LPP: variants seen among roughly 807,000 people sequenced by gnomAD.
The protein encoded by LPP is LIM domain containing preferred translocation partner in lipoma.
In LPP, 38 loss-of-function variants were observed where a neutral mutation model predicts 60.4. That is an observed-to-expected ratio of 0.63 (90% CI 0.49 to 0.83). The LOEUF is 0.83. LPP is among the 40% of genes least tolerant of loss of function. LPP has a pLI of 0.00. For synonymous variants in LPP, 328 were observed against 290.8 expected, an observed-to-expected ratio of 1.13 and a Z score of -1.30; for missense variants, 902 against 783.6, an observed-to-expected ratio of 1.15 and a Z score of -1.80.
At position 188,721,768 on chromosome 3, in the gene LPP, G is replaced by A. The variant is rs529199804; in HGVS notation, c.1240+13375G>A. On this transcript the variant is annotated intron_variant, in intron 8 of 11. Transcript: ENST00000617246. ...AGTCATCATGTTCTTGTGAAGGATC[G>A]TGTTGTGTTGTTAGATATTGTTCCA... is the stretch of plus-strand genomic sequence containing the variant. Among the ~76,000 whole-genome samples, 11 of 152,114 alleles carry A rather than the reference G, an allele frequency of 7.2e-5. No homozygotes were observed. In the East Asian group the frequency reaches 9.7e-4, roughly 13 times the overall value.
chr3:188,300,195 TG>T (rs556190957), intron 2 of LPP, among the ~76,000 whole-genome samples: 233 of 152,272 alleles, frequency 1.5e-3, no homozygotes, highest in African/African-American at 5.3e-3. Context: ...AAGGGTTGTG[TG>T]TGTTTATTTT....
intron 2 of LPP, among the ~76,000 whole-genome samples, chr3:188,292,663 G>A (rs190517067): frequency 6.6e-6 from 1 of 152,302 alleles, no homozygotes. Context: ...TCATGTACTA[G>A]AGTATGGTTT....
At chr3:188,175,683 A>T (rs957872525) in intron 1 of LPP, among the ~76,000 whole-genome samples, 10 of 152,270 alleles carry the variant, frequency 6.6e-5, no homozygotes, top group Non-Finnish European at 1.5e-4. Context: ...AACTGGCTTT[A>T]TACTAAAAAG....
At position 188,826,325 on chromosome 3, in the gene LPP, C is replaced by G. The variant is rs545919638; in HGVS notation, c.1411-39875C>G. Among the ~76,000 whole-genome samples, 367 of 152,314 alleles carry G rather than the reference C, an allele frequency of 2.4e-3. 2 individuals carry two copies. The highest frequency in any genetic ancestry group is 8.6e-3 in the African/African-American group (357 of 41,576). On this transcript the variant is annotated intron_variant, in intron 9 of 11. Coordinates refer to ENST00000617246, the MANE Select transcript of LPP (RefSeq NM_001375462.1). ...TCTGCAGGTTTCCTTATAGGAGATC[C>G]TGTTATCCTCGTGTCGATTCTTGCC...
intron 1 of LPP, among the ~76,000 whole-genome samples, chr3:188,170,382 G>A (rs1018550911): frequency 2.1e-5 from 3 of 140,942 alleles, no homozygotes; most frequent in Non-Finnish European, 4.5e-5. Flanking sequence ...CCAGGCTGGA[G>A]TGCAGTGGTA....
chr3:188,664,756 A>AT (rs1384179959), intron 7 of LPP, among the ~76,000 whole-genome samples: 1 of 152,102 alleles, frequency 6.6e-6, no homozygotes, highest in Non-Finnish European at 1.5e-5. Flanking sequence ...TGTGTTACTG[A>AT]TTTTTTTGGA....
intron 2 of LPP, among the ~76,000 whole-genome samples, chr3:188,269,057 T>C (rs756081909): frequency 2.6e-5 from 4 of 152,212 alleles, no homozygotes; most frequent in Non-Finnish European, 5.9e-5. Flanking sequence ...GATGTGATCT[T>C]TACCCATCCT....
At chr3:188,865,636 C>T (rs1034899080) in intron 9 of LPP, among the ~76,000 whole-genome samples, 2 of 151,686 alleles carry the variant, frequency 1.3e-5, no homozygotes, top group Non-Finnish European at 1.5e-5. Context: ...TGGTATAGTT[C>T]AAGGGTCAAC....
At chr3:188,455,284 TA>T (rs903577433) in intron 4 of LPP, among the ~76,000 whole-genome samples, 9 of 151,984 alleles carry the variant, frequency 5.9e-5, no homozygotes, top group Non-Finnish European at 1.2e-4. Context: ...CAACAAGGAT[TA>T]AAAAAAGAGA....
At chr3:188,204,797 T>TTC (rs1220548601) in intron 1 of LPP, among the ~76,000 whole-genome samples, 1 of 152,204 alleles carries the variant, frequency 6.6e-6, no homozygotes, top group African/African-American at 2.4e-5. Flanking sequence ...AAACTCACAT[T>TTC]TCTTTATCCT....
chr3:188,288,260 C>T (rs140375963), intron 2 of LPP, among the ~76,000 whole-genome samples: 2 of 152,254 alleles, frequency 1.3e-5, no homozygotes, highest in East Asian at 1.9e-4. Flanking sequence ...CACTTGTGAG[C>T]GACATTGGCT....
chr3:188,483,959 A>G (rs1805552493), intron 4 of LPP, among the ~76,000 whole-genome samples: 1 of 152,090 alleles, frequency 6.6e-6, no homozygotes, highest in Admixed American at 6.5e-5. Flanking sequence ...ATTTTATCGC[A>G]TATCTAATCT....
chr3:188,629,267 G>A, intron 7 of LPP, among the ~76,000 whole-genome samples: 1 of 151,992 alleles, frequency 6.6e-6, no homozygotes, highest in South Asian at 2.1e-4. Context: ...AATAGAAAGA[G>A]AGAAAGTCAA....
At chr3:188,718,850 G>C (rs895866740) in intron 8 of LPP, among the ~76,000 whole-genome samples, 1 of 152,114 alleles carries the variant, frequency 6.6e-6, no homozygotes, top group African/African-American at 2.4e-5. Context: ...ATCATAAAAC[G>C]TTAGAGCTGG....
rs1400977355 is a variant in LPP, at chr3:188,513,538, G to A, written c.307-11127G>A. ...TTATTCTTAGAGTTCCTGTTTTATTGATGAATAGATAATATATGTATTGTT... is the reference window on the plus strand; with the variant it reads ...TTATTCTTAGAGTTCCTGTTTTATTAATGAATAGATAATATATGTATTGTT... On this transcript the variant is annotated intron_variant, in intron 5 of 11. Coordinates refer to ENST00000617246, the MANE Select transcript of LPP (RefSeq NM_001375462.1). 2.3e-4 allele frequency among the ~76,000 whole-genome samples: 35 copies of A among 151,692 alleles called. 1 individual carries two copies. The highest frequency in any genetic ancestry group is 2.3e-3 in the Admixed American group (35 of 15,222).
chr3:188,410,855 A>G (rs772575678), intron 4 of LPP, among the ~76,000 whole-genome samples: 5 of 152,124 alleles, frequency 3.3e-5, no homozygotes, highest in Admixed American at 6.5e-5. Context: ...CGAGCAGTGT[A>G]CACTGTAGTC....
chr3:188,389,511 C>A (rs1012752124), intron 3 of LPP, among the ~76,000 whole-genome samples: 1 of 152,154 alleles, frequency 6.6e-6, no homozygotes, highest in Non-Finnish European at 1.5e-5. Flanking sequence ...CGTGGTGGCT[C>A]ACGTCTGTAA....
rs751244513 is a variant in LPP, at chr3:188,866,184, C to G, written c.1411-16C>G. The G allele has an allele frequency of 6.9e-7, 1 of 1,449,786 alleles. No individual in the cohort carries two copies. Among genetic ancestry groups the G allele is most frequent in the Non-Finnish European group, 9.2e-7 (1 of 1,090,954 alleles). The allele number at this position is 1,449,786 out of a possible 1,614,324, so 89.8% of individuals were successfully genotyped here. On this transcript the variant is annotated splice_polypyrimidine_tract_variant and intron_variant, in intron 9 of 11. Transcript: ENST00000617246. The stretch of plus-strand genomic sequence containing the variant: ...CTTCTGTCCCAGTCTGACGTGGTTT[C>G]TGTTTCCTTCCCCAGAATACTCTGG...
intron 9 of LPP, among the ~76,000 whole-genome samples, chr3:188,795,101 C>G (rs938562550): frequency 2.0e-5 from 3 of 152,140 alleles, no homozygotes; most frequent in Non-Finnish European, 1.5e-5. Context: ...TGCCACTGTA[C>G]TGCAGCCTGG....
Sources: allele counts gnomAD v4.1 joint callset (sites outside exome capture counted in the v4.1 genomes callset), GRCh38; gene constraint gnomAD v4.1.1; transcripts MANE v1.5; gene names NCBI Gene and HGNC (gene_info 2026-07-23, HGNC 2026-07-21).